Variants in PADI6 observed in about 807,000 individuals in gnomAD.
PADI6 encodes the protein inactive protein-arginine deiminase type-6.
Under a neutral mutation model 78.2 loss-of-function variants are expected in PADI6, and 66 were observed. The observed-to-expected ratio is 0.84, with a 90% CI of 0.69 to 1.04. PADI6 has a LOEUF of 1.04. Ranked by LOEUF, PADI6 falls within the 50% of genes least tolerant of loss-of-function variation. The pLI is 0.00. For synonymous variants in PADI6, 397 were observed against 346.9 expected, an observed-to-expected ratio of 1.14 and a Z score of -1.60; for missense variants, 854 against 866.1, an observed-to-expected ratio of 0.99 and a Z score of 0.18.
rs375267418 is a variant in PADI6 at position 17,392,149 on chromosome 1, C to T, written c.998C>T (p.Thr333Met). Residue 333 changes from threonine to methionine, a missense_variant, in exon 9 of 16, where the codon ACG becomes ATG. Physicochemically the swap from Thr to Met is moderately conservative, Grantham distance 81. Coordinates refer to ENST00000619609, the MANE Select transcript of PADI6 (RefSeq NM_207421.4). The stretch of plus-strand genomic sequence containing the variant: ...CTGCAGGGTTTTGTGGACACAGTGA[C>T]GAAGCTGAGTGAGAAGAGCAACAGC... ...LQLQGFVDTV[T>M]KLSEKSNSQV... 83 of 1,560,910 alleles carry T rather than the reference C, an allele frequency of 5.3e-5. No individual in the cohort carries two copies. Among genetic ancestry groups the T allele is most frequent in the African/African-American group, 1.2e-4 (9 of 73,516 alleles).
chr1:17,373,505 T>TA (rs2074984970), intron 2 of PADI6, among the ~76,000 whole-genome samples: 6 of 84,108 alleles, frequency 7.1e-5, no homozygotes, highest in African/African-American at 3.8e-4. Context: ...TTATTATTAT[T>TA]TTTTTTTTTG....
At chr1:17,394,858 G>C in intron 11 of PADI6, 93 bp from the exon 12 acceptor site, 1 of 1,421,968 alleles carries the variant, frequency 7.0e-7, no homozygotes. Flanking sequence ...ACGGTCAGAG[G>C]CCAGCTCCCT....
At chr1:17,381,833 C>A (rs1557599306) in intron 5 of PADI6, 134 bp from the exon 6 acceptor site, 4 of 1,018,932 alleles carry the variant, frequency 3.9e-6, no homozygotes, top group East Asian at 2.5e-5. Context: ...ATTCTTCGGG[C>A]CTGGGCCCTA....
Position 17,373,100 on chromosome 1 carries a change from G to A in PADI6, c.161G>A (p.Gly54Glu). ...CAGTGCTTCACCATCCATGGCTCTG[G>A]GAGGGTCTTGATCGATGTGGCCAAC... is the stretch of plus-strand genomic sequence containing the variant. ...KCQCFTIHGS[G>E]RVLIDVANTV... Residue 54 changes from glycine to glutamate, a missense_variant, in exon 2 of 16, where the codon GGG (glycine) becomes GAG (glutamate). By Grantham distance (98) the Gly-to-Glu change is moderately conservative. Transcript: ENST00000619609. 1 of 1,614,006 alleles carries A rather than the reference G, an allele frequency of 6.2e-7. No individual in the cohort carries two copies. Among genetic ancestry groups the A allele is most frequent in the Non-Finnish European group, 8.5e-7 (1 of 1,179,868 alleles).
intron 1 of PADI6, among the ~76,000 whole-genome samples, chr1:17,372,642 C>T (rs1481785558): frequency 1.3e-5 from 2 of 152,118 alleles, no homozygotes; most frequent in Non-Finnish European, 2.9e-5. Context: ...GGACGCTGGC[C>T]TCGGGGGGCT....
chr1:17,398,298 G>A (rs1447269841), intron 14 of PADI6, among the ~76,000 whole-genome samples: 1 of 152,180 alleles, frequency 6.6e-6, no homozygotes, highest in East Asian at 1.9e-4. Context: ...GACAGCTTAG[G>A]TGTGTTGGGT....
rs752813257 is a variant in PADI6 at position 17,395,096 on chromosome 1, G to A, written c.1483G>A (p.Glu495Lys). 3 of 1,613,518 alleles carry A rather than the reference G, an allele frequency of 1.9e-6. No homozygotes were observed. Among genetic ancestry groups the A allele is most frequent in the South Asian group, 1.1e-5 (1 of 91,014 alleles). ...MCFIPTDDKN[E>K]GKKGFLLLLA... ...CTTCATCCCCACAGATGACAAGAAT[G>A]AGGGCAAAAAGGTCTGCTTTGGGGT... Residue 495 changes from glutamate (E) to lysine (K), a missense_variant, in exon 12 of 16, where the codon GAG becomes AAG. Glu to Lys is a moderately conservative substitution (Grantham distance 56). Coordinates refer to ENST00000619609, the MANE Select transcript of PADI6 (RefSeq NM_207421.4).
rs1177605273 is a variant in PADI6 at position 17,372,345 on chromosome 1, T to C, written c.100T>C (p.Cys34Arg). Residue 34 changes from cysteine (C) to arginine (R), a missense_variant, in exon 1 of 16, where the codon TGC becomes CGC. Cys to Arg is a radical substitution (Grantham distance 180). Transcript: ENST00000619609. ...CGTTTGTGTGTTGGGCACAGAAATCTGCTTGGATCTCAGCGGGTGAGATGC... is the reference window on the plus strand; with the variant it reads ...CGTTTGTGTGTTGGGCACAGAAATCCGCTTGGATCTCAGCGGGTGAGATGC... ...HAVCVLGTEICLDLSGCAPQK... is the reference protein window; with the variant it reads ...HAVCVLGTEIRLDLSGCAPQK... 6.2e-7 allele frequency: 1 copy of C among 1,613,940 alleles called. No individual in the cohort carries two copies. The highest frequency in any genetic ancestry group is 1.7e-5 in the Admixed American group (1 of 60,016).
rs182479055 is a variant in PADI6, at chr1:17,385,165, G to C, written c.679+3073G>C. On this transcript the variant is annotated intron_variant, in intron 6 of 15. Transcript: ENST00000619609. ...ACCTTTAGGACTATGGAATACAGGTGAGTCTGTGGACAGGAATGAGACGAT... is the reference window on the plus strand; with the variant it reads ...ACCTTTAGGACTATGGAATACAGGTCAGTCTGTGGACAGGAATGAGACGAT... 4.0e-5 allele frequency among the ~76,000 whole-genome samples: 6 copies of C among 150,990 alleles called. No individual in the cohort carries two copies. In the East Asian group the frequency reaches 7.7e-4, roughly 20 times the overall value.
At chr1:17,373,541 G>C (rs535480370) in intron 2 of PADI6, among the ~76,000 whole-genome samples, 1 of 151,346 alleles carries the variant, frequency 6.6e-6, no homozygotes, top group Non-Finnish European at 1.5e-5. Context: ...GCCCAGACTG[G>C]GGTGCAATGG....
At chr1:17,388,933 C>A in intron 8 of PADI6, 53 bp downstream of exon 8, 1 of 1,417,790 alleles carries the variant, frequency 7.1e-7, no homozygotes, top group Non-Finnish European at 9.9e-7. Context: ...CTGGCACCCT[C>A]TTCTTTCTAT....
In PADI6 at chr1:17,401,324, G is replaced by A. The variant is rs751632588; in HGVS notation, c.1971G>A (p.Lys657=). ...ICCLLEPLGF[K]CTFINDFDCY... is the part of the protein sequence containing the mutation. Reference sequence around the variant, plus strand: ...GCTTGCTGGAGCCCCTGGGCTTCAAGTGCACCTTCATCAATGACTTTGACT... The same window carrying A: ...GCTTGCTGGAGCCCCTGGGCTTCAAATGCACCTTCATCAATGACTTTGACT... Residue 657 remains lysine (K), a synonymous_variant, in exon 16 of 16, where the codon AAG becomes AAA. Transcript: ENST00000619609. 1.9e-6 allele frequency: 3 copies of A among 1,613,978 alleles called. No homozygotes were observed. The highest frequency in any genetic ancestry group is 2.7e-5 in the African/African-American group (2 of 74,952).
chr1:17,376,225 G>A (rs978434096), intron 3 of PADI6, among the ~76,000 whole-genome samples: 9 of 150,618 alleles, frequency 6.0e-5, no homozygotes, highest in African/African-American at 1.9e-4. Flanking sequence ...CACCTGCCTC[G>A]GCCTCCCCAA....
chr1:17,393,012 G>T (rs1341141080), intron 9 of PADI6, among the ~76,000 whole-genome samples: 4 of 152,124 alleles, frequency 2.6e-5, no homozygotes. Context: ...CGGGCATGGT[G>T]GCGCGCGCCT....
Position 17,372,267 on chromosome 1 carries a change from G to A in PADI6, c.22G>A (p.Ala8Thr). Residue 8 changes from alanine (A) to threonine (T), a missense_variant, in exon 1 of 16, where the codon GCC (alanine) becomes ACC (threonine). Ala to Thr is a moderately conservative substitution (Grantham distance 58). Coordinates refer to ENST00000619609, the MANE Select transcript of PADI6 (RefSeq NM_207421.4). MVSVEGRAMSFQSIIHLS... is the reference protein window; with the variant it reads MVSVEGRTMSFQSIIHLS... Reference sequence around the variant, plus strand: ...GAGGATGGTCAGCGTGGAGGGCCGAGCCATGTCCTTCCAGAGTATCATCCA... The same window carrying A: ...GAGGATGGTCAGCGTGGAGGGCCGAACCATGTCCTTCCAGAGTATCATCCA... 6.2e-7 allele frequency: 1 copy of A among 1,614,008 alleles called. No individual in the cohort carries two copies. The highest frequency in any genetic ancestry group is 8.5e-7 in the Non-Finnish European group (1 of 1,179,886).
At chr1:17,386,592 C>T (rs2075121914) in intron 6 of PADI6, among the ~76,000 whole-genome samples, 1 of 152,206 alleles carries the variant, frequency 6.6e-6, no homozygotes, top group African/African-American at 2.4e-5. Flanking sequence ...GGAAGACTGC[C>T]TTGTCTGGTC....
intron 14 of PADI6, among the ~76,000 whole-genome samples, chr1:17,397,870 TC>T (rs2075261738): frequency 6.6e-6 from 1 of 152,092 alleles, no homozygotes; most frequent in Non-Finnish European, 1.5e-5. Context: ...CTCCGCAGCC[TC>T]CTTGAAGAAG....
intron 6 of PADI6, among the ~76,000 whole-genome samples, chr1:17,384,255 AAG>A (rs1164621108): frequency 1.3e-5 from 2 of 152,278 alleles, no homozygotes; most frequent in East Asian, 3.9e-4. Flanking sequence ...GATACAGCAA[AAG>A]AGTCTGAAAA....
chr1:17,385,100 C>A (rs919295237), intron 6 of PADI6, among the ~76,000 whole-genome samples: 9 of 152,156 alleles, frequency 5.9e-5, no homozygotes, highest in Non-Finnish European at 1.3e-4. Flanking sequence ...TGGCTCACAC[C>A]TGTAATCCCA....
Sources: allele counts gnomAD v4.1 joint callset (sites outside exome capture counted in the v4.1 genomes callset), GRCh38; gene constraint gnomAD v4.1.1; transcripts MANE v1.5; gene names NCBI Gene and HGNC (gene_info 2026-07-23, HGNC 2026-07-21).